The following APPBP2 variants were observed in gnomAD, a reference collection of about 807,000 sequenced individuals.
APPBP2 encodes the protein amyloid beta precursor protein binding protein 2.
In APPBP2, 15 loss-of-function variants were observed where a neutral mutation model predicts 76.0. The observed-to-expected ratio is 0.20, with a 90% CI of 0.13 to 0.30. The LOEUF (loss-of-function observed/expected upper bound fraction) is 0.30. Ranked by LOEUF, APPBP2 falls within the 10% of genes least tolerant of loss-of-function variation. The probability of loss-of-function intolerance (pLI) is 1.00; values close to 1 mark genes in which losing one functional copy is unlikely to be tolerated. For missense variants in APPBP2, 401 were observed against 687.2 expected (o/e 0.58, Z 4.66); for synonymous variants, 222 against 242.2 (o/e 0.92, Z 0.77).
chr17:60,459,296 T>G (rs1023436252), intron 9 of APPBP2, among the ~76,000 whole-genome samples: 2 of 152,048 alleles, frequency 1.3e-5, no homozygotes, highest in Non-Finnish European at 2.9e-5. Context: ...ACCCCCAAAG[T>G]GCTTTTTAAT....
chr17:60,513,854 A>G (rs961520123), intron 1 of APPBP2, among the ~76,000 whole-genome samples: 2 of 147,850 alleles, frequency 1.4e-5, no homozygotes, highest in Non-Finnish European at 1.5e-5. Flanking sequence ...TCCATCTCAG[A>G]AAAAAAAAAA....
At chr17:60,461,973 T>C (rs776719573) in intron 7 of APPBP2, 21 bp downstream of exon 7, 1 of 1,609,556 alleles carries the variant, frequency 6.2e-7, no homozygotes, top group East Asian at 2.2e-5. Flanking sequence ...TAAAAGGATA[T>C]TTTTAATAAT....
chr17:60,520,614 T>G (rs956473319), intron 1 of APPBP2, among the ~76,000 whole-genome samples: 1 of 146,816 alleles, frequency 6.8e-6, no homozygotes, highest in Non-Finnish European at 1.5e-5. Flanking sequence ...AAACAATACA[T>G]AGAACACACT....
chr17:60,513,043 G>A (rs553017985), intron 1 of APPBP2: 88 of 163,218 alleles, frequency 5.4e-4, no homozygotes, highest in African/African-American at 1.9e-3. Flanking sequence ...GCGCTATTCC[G>A]TGGGTGCTAT....
At chr17:60,492,111 A>T (rs2090734681) in intron 3 of APPBP2, among the ~76,000 whole-genome samples, 1 of 152,192 alleles carries the variant, frequency 6.6e-6, no homozygotes, top group South Asian at 2.1e-4. Context: ...ATAGCTTCCA[A>T]GGGGGCAAGT....
chr17:60,512,227 C>T (rs1430786670), intron 1 of APPBP2, among the ~76,000 whole-genome samples: 2 of 151,822 alleles, frequency 1.3e-5, no homozygotes, highest in Non-Finnish European at 2.9e-5. Context: ...CTCAGCCTCC[C>T]GAGTAGCTGG....
chr17:60,447,437 A>C lies in APPBP2; in HGVS notation c.*144T>G, dbSNP rs1192543769. On this transcript the variant is annotated 3_prime_UTR_variant, in exon 13 of 13. Transcript: ENST00000083182. ...TATTCCTACAGACATTCTGCAAGAT[A>C]GGGATCACCCAAAATAGGGTCTTCA... 1 of 844,614 alleles carries C rather than the reference A, an allele frequency of 1.2e-6. No homozygotes were observed. Among genetic ancestry groups the C allele is most frequent in the African/African-American group, 1.7e-5 (1 of 58,644 alleles). 52.3% of individuals were successfully genotyped at this position (844,614 alleles called of 1,614,324 possible).
intron 1 of APPBP2, among the ~76,000 whole-genome samples, chr17:60,517,238 AG>A (rs1393291880): frequency 6.6e-6 from 1 of 152,070 alleles, no homozygotes. Context: ...GGCCTCTCAA[AG>A]TGCTGGGATT....
chr17:60,454,452 C>T lies in APPBP2; in HGVS notation c.1188G>A (p.Lys396=). The T allele has an allele frequency of 4.4e-6, 7 of 1,604,540 alleles. No homozygotes were observed. Among genetic ancestry groups the T allele is most frequent in the Non-Finnish European group, 5.9e-6 (7 of 1,176,778 alleles). Residue 396 remains lysine, a synonymous_variant, in exon 11 of 13, where the codon AAG becomes AAA. Transcript: ENST00000083182. ...CTTGAAGCAGCCTCTGTTCAGTTTCCTTATTATGACAATCAATTGCAATCT... is the reference window on the plus strand; with the variant it reads ...CTTGAAGCAGCCTCTGTTCAGTTTCTTTATTATGACAATCAATTGCAATCT... ...LEEIAIDCHN[K]ETEQRLLQEA...
chr17:60,460,626 T>C, intron 9 of APPBP2, 37 bp downstream of exon 9: 1 of 1,588,956 alleles, frequency 6.3e-7, no homozygotes. Context: ...ACAAAAACAG[T>C]ATTTCCTCCT....
intron 4 of APPBP2, among the ~76,000 whole-genome samples, chr17:60,474,632 A>G (rs940324771): frequency 6.6e-6 from 1 of 152,174 alleles, no homozygotes; most frequent in Admixed American, 6.6e-5. Context: ...TTTGGGACCA[A>G]TCATGTTTCA....
intron 3 of APPBP2, among the ~76,000 whole-genome samples, chr17:60,485,028 A>G (rs2090662057): frequency 6.6e-6 from 1 of 152,010 alleles, no homozygotes. Flanking sequence ...GCATATGTTG[A>G]ACCAGCCTTG....
At chr17:60,463,689 G>A (rs549881646) in intron 6 of APPBP2, among the ~76,000 whole-genome samples, 83 of 152,148 alleles carry the variant, frequency 5.5e-4, no homozygotes, top group African/African-American at 1.9e-3. Context: ...AAGGAATTCT[G>A]GTTGCTATAA....
chr17:60,452,805 C>T (rs899863140), intron 11 of APPBP2, among the ~76,000 whole-genome samples: 8 of 151,970 alleles, frequency 5.3e-5, no homozygotes, highest in African/African-American at 1.5e-4. Flanking sequence ...TGGTGGTGTG[C>T]GCCTGTATTC....
intron 9 of APPBP2, among the ~76,000 whole-genome samples, chr17:60,458,435 C>CAAAA (rs10692598): frequency 7.3e-6 from 1 of 137,262 alleles, no homozygotes; most frequent in African/African-American, 2.7e-5. Context: ...GACTCTGTCT[C>CAAAA]AAAAAAAAAA....
At chr17:60,525,696 AG>A in intron 1 of APPBP2, 97 bp downstream of exon 1, 2 of 1,552,314 alleles carry the variant, frequency 1.3e-6, no homozygotes, top group Admixed American at 1.9e-5. Context: ...GTCTGCCGGA[AG>A]GGGTGAGGGG....
chr17:60,507,777 G>A (rs1443059300), intron 1 of APPBP2, among the ~76,000 whole-genome samples: 2 of 152,068 alleles, frequency 1.3e-5, no homozygotes, highest in Admixed American at 6.6e-5. Flanking sequence ...TCTCCAATCA[G>A]ACTATAAGCA....
intron 1 of APPBP2, among the ~76,000 whole-genome samples, chr17:60,505,362 T>C (rs984738646): frequency 1.3e-4 from 20 of 152,332 alleles, no homozygotes; most frequent in Non-Finnish European, 2.2e-4. Flanking sequence ...GTCGCCTAGG[T>C]TGGAGTGCAG....
intron 2 of APPBP2, among the ~76,000 whole-genome samples, chr17:60,495,877 C>G (rs2090772126): frequency 6.6e-6 from 1 of 152,098 alleles, no homozygotes; most frequent in Non-Finnish European, 1.5e-5. Flanking sequence ...AAGGTGGAAA[C>G]AACTCAAATG....
Sources: gnomAD v4.1 joint callset for allele counts (sites outside exome capture counted in the v4.1 genomes callset) on GRCh38, gnomAD v4.1.1 for gene constraint, MANE v1.5 for transcripts, NCBI Gene and HGNC (gene_info 2026-07-23, HGNC 2026-07-21) for gene names.